EFCAB13: variants seen among roughly 807,000 people sequenced by gnomAD.
EFCAB13 encodes the protein EF-hand calcium binding domain 13, also known as EF-hand calcium-binding domain-containing protein 13.
Under a neutral mutation model 110.2 loss-of-function variants are expected in EFCAB13, and 91 were observed. The ratio of observed to expected loss-of-function variants is 0.83; its 90% CI spans 0.70 to 0.98. The LOEUF is 0.98. Ranked by LOEUF, EFCAB13 falls within the 50% of genes least tolerant of loss-of-function variation. The probability of loss-of-function intolerance (pLI) is 0.00; values close to 1 mark genes in which losing one functional copy is unlikely to be tolerated. For synonymous variants in EFCAB13, 323 were observed against 369.9 expected, an observed-to-expected ratio of 0.87 and a Z score of 1.45; for missense variants, 968 against 1,119.4, an observed-to-expected ratio of 0.86 and a Z score of 1.93.
chr17:47,386,257 C>T (rs2065675429), intron 14 of EFCAB13, among the ~76,000 whole-genome samples: 1 of 152,186 alleles, frequency 6.6e-6, no homozygotes, highest in Non-Finnish European at 1.5e-5. Flanking sequence ...CCGCCCCTTC[C>T]CCCAGATACG....
At chr17:47,415,882 T>C (rs1412357443) in intron 23 of EFCAB13, among the ~76,000 whole-genome samples, 6 of 152,072 alleles carry the variant, frequency 3.9e-5, no homozygotes, top group Admixed American at 2.6e-4. Context: ...CCTCTGTCCC[T>C]GAGGTTCGTC....
chr17:47,403,806 T>C, intron 18 of EFCAB13, 72 bp from the exon 19 acceptor site: 1 of 1,384,716 alleles, frequency 7.2e-7, no homozygotes, highest in South Asian at 1.5e-5. Flanking sequence ...TAATAAACTA[T>C]GGATTTCCAC....
At chr17:47,355,343 T>A (rs930334639) in intron 9 of EFCAB13, among the ~76,000 whole-genome samples, 2 of 152,224 alleles carry the variant, frequency 1.3e-5, no homozygotes, top group Admixed American at 1.3e-4. Flanking sequence ...GATAACCTGA[T>A]GACTATGTGC....
chr17:47,434,031 A>C (rs1392377791), intron 24 of EFCAB13, among the ~76,000 whole-genome samples: 3 of 152,126 alleles, frequency 2.0e-5, no homozygotes, highest in Non-Finnish European at 4.4e-5. Context: ...ACCACAGTTT[A>C]AAAGTTGCTG....
In EFCAB13 at chr17:47,335,225, T is replaced by A; in HGVS notation, c.60T>A (p.Asp20Glu). 2.5e-6 allele frequency: 4 copies of A among 1,607,630 alleles called. No individual in the cohort carries two copies. The highest frequency in any genetic ancestry group is 2.5e-6 in the Non-Finnish European group (3 of 1,178,146). Reference sequence around the variant, plus strand: ...AGGAAAATATTGACTTATTAGATGATGGCTCTAATTCTTTTGCAACTGACT... The same window carrying A: ...AGGAAAATATTGACTTATTAGATGAAGGCTCTAATTCTTTTGCAACTGACT... Reference protein sequence around the residue: ...QAEENIDLLDDGSNSFATDLS... With the variant: ...QAEENIDLLDEGSNSFATDLS... Residue 20 changes from aspartate (D) to glutamate (E), a missense_variant, in exon 5 of 25, where the codon GAT becomes GAA. Coordinates refer to ENST00000331493, the MANE Select transcript of EFCAB13 (RefSeq NM_152347.5).
intron 23 of EFCAB13, among the ~76,000 whole-genome samples, chr17:47,417,867 T>C (rs1197591790): frequency 6.6e-6 from 1 of 152,186 alleles, no homozygotes; most frequent in Non-Finnish European, 1.5e-5. Flanking sequence ...TCTTCCACAG[T>C]GTTGACAATT....
rs1218577348 is a variant in EFCAB13 at position 47,325,019 on chromosome 17, A to ACCC, written c.-248+498_-248+500dup. On this transcript the variant is annotated intron_variant, in intron 2 of 24. Coordinates refer to ENST00000331493, the MANE Select transcript of EFCAB13 (RefSeq NM_152347.5). ...CATTCAGTACTGATCTTAACCGCCC[A>ACCC]CCCCACCCCCCTTTTTTTTTTTTGA... 3.1e-3 allele frequency among the ~76,000 whole-genome samples: 126 copies of ACCC among 40,492 alleles called. 5 individuals are homozygous for ACCC. Among genetic ancestry groups the ACCC allele is most frequent in the Non-Finnish European group, 3.8e-3 (70 of 18,316 alleles). The allele number at this position is 40,492 out of a possible 152,430, so 26.6% of individuals were successfully genotyped here.
intron 14 of EFCAB13, among the ~76,000 whole-genome samples, chr17:47,386,996 G>C (rs924076140): frequency 6.6e-6 from 1 of 151,898 alleles, no homozygotes; most frequent in Non-Finnish European, 1.5e-5. Context: ...CCAATGAGAT[G>C]AGCAGGGTAC....
chr17:47,409,692 G>C lies in EFCAB13; in HGVS notation c.2278+1G>C. On this transcript the variant is annotated splice_donor_variant, in intron 21 of 24. Transcript: ENST00000331493. LOFTEE classifies it high-confidence loss of function. Reference sequence around the variant, plus strand: ...AATCTAAAATTACCAAAGGTAAACGGTGAGTAAGAACTTTGTATATGAGAA... The same window carrying C: ...AATCTAAAATTACCAAAGGTAAACGCTGAGTAAGAACTTTGTATATGAGAA... The C allele has an allele frequency of 6.2e-7, 1 of 1,607,100 alleles. No individual in the cohort carries two copies. Among genetic ancestry groups the C allele is most frequent in the East Asian group, 2.2e-5 (1 of 44,748 alleles).
chr17:47,402,568 G>A (rs1419388525), intron 18 of EFCAB13, among the ~76,000 whole-genome samples: 1 of 152,156 alleles, frequency 6.6e-6, no homozygotes, highest in Non-Finnish European at 1.5e-5. Flanking sequence ...AGATTTTAGA[G>A]GTGGAATAGA....
chr17:47,349,802 C>G (rs1259103792), intron 9 of EFCAB13, among the ~76,000 whole-genome samples: 18 of 117,556 alleles, frequency 1.5e-4, no homozygotes, highest in African/African-American at 6.0e-4. Context: ...GAGTCTCGCT[C>G]TGTCGCCCAG....
chr17:47,356,425 C>T lies in EFCAB13; in HGVS notation c.662-4953C>T, dbSNP rs892527690. 2.6e-5 allele frequency among the ~76,000 whole-genome samples: 4 copies of T among 152,114 alleles called. No individual in the cohort carries two copies. The East Asian group carries it at 7.7e-4, about 29-fold the overall frequency. On this transcript the variant is annotated intron_variant, in intron 9 of 24. Coordinates refer to ENST00000331493, the MANE Select transcript of EFCAB13 (RefSeq NM_152347.5). ...GCTTTTCTCCTTCCCCTAGGGGCTT[C>T]CTGAGACATAGGGCTTCCTGGACAA...
chr17:47,342,410 T>C (rs1398870262), intron 6 of EFCAB13, among the ~76,000 whole-genome samples: 2 of 152,188 alleles, frequency 1.3e-5, no homozygotes, highest in African/African-American at 4.8e-5. Flanking sequence ...TCTTTTCCTG[T>C]GTCTGTATCT....
intron 9 of EFCAB13, among the ~76,000 whole-genome samples, chr17:47,351,304 T>TGTGTGTGTGTGTGTGTGCGCGC (rs1280645583): frequency 8.1e-6 from 1 of 122,978 alleles, no homozygotes; most frequent in Non-Finnish European, 1.9e-5. Flanking sequence ...TGTGTGTGTG[T>TGTGTGTGTGTGTGTGTGCGCGC]GCGCGCGCGC....
In EFCAB13 at chr17:47,370,292, A is replaced by T. The variant is rs192888133; in HGVS notation, c.806-145A>T. ...GCGTGTACTGAGTTATTAATTCATG[A>T]TTTCAGATTTTATTCAAGACTTTGT... On this transcript the variant is annotated intron_variant, in intron 10 of 24. Transcript: ENST00000331493. 124 of 638,926 alleles carry T rather than the reference A, an allele frequency of 1.9e-4. 1 individual carries two copies. In the East Asian group the frequency reaches 3.6e-3, roughly 19 times the overall value. The allele number at this position is 638,926 out of a possible 1,614,324, so 39.6% of individuals were successfully genotyped here. A position where few individuals can be genotyped will look rare whatever the true frequency, so the allele number is the denominator to read the frequency against.
chr17:47,418,803 A>G (rs1031800512), intron 23 of EFCAB13, among the ~76,000 whole-genome samples: 27 of 152,156 alleles, frequency 1.8e-4, no homozygotes, highest in Non-Finnish European at 3.7e-4. Context: ...TGTTGAAAAC[A>G]TTGTTCTTTC....
chr17:47,439,849 AT>A (rs199882304), intron 24 of EFCAB13, among the ~76,000 whole-genome samples: 10 of 149,928 alleles, frequency 6.7e-5, no homozygotes, highest in African/African-American at 1.5e-4. Context: ...AATATCTGAG[AT>A]TTTTTTTTTC....
At chr17:47,395,443 C>T (rs1390322084) in intron 16 of EFCAB13, among the ~76,000 whole-genome samples, 1 of 152,074 alleles carries the variant, frequency 6.6e-6, no homozygotes, top group Non-Finnish European at 1.5e-5. Flanking sequence ...TTGTTGTCTA[C>T]AGTGGTAGAT....
At chr17:47,403,658 G>T (rs2065789961) in intron 18 of EFCAB13, among the ~76,000 whole-genome samples, 1 of 152,060 alleles carries the variant, frequency 6.6e-6, no homozygotes, top group African/African-American at 2.4e-5. Flanking sequence ...GAGTGATTTT[G>T]GTTGTGCAAA....
Sources: allele counts gnomAD v4.1 joint callset (sites outside exome capture counted in the v4.1 genomes callset), GRCh38; gene constraint gnomAD v4.1.1; transcripts MANE v1.5; gene names NCBI Gene and HGNC (gene_info 2026-07-23, HGNC 2026-07-21).